The following PRAG1 variants were observed in gnomAD, a reference collection of about 807,000 sequenced individuals.
PRAG1 encodes the protein PEAK1 related, kinase-activating pseudokinase 1.
A neutral mutation model predicts 95.6 loss-of-function variants in PRAG1; 110 were observed. That is an observed-to-expected ratio of 1.15 (90% CI 0.99 to 1.35). The LOEUF (loss-of-function observed/expected upper bound fraction) is 1.35, where lower values mean the gene tolerates loss of function less well. Among genes scored for constraint, PRAG1 ranks in the 40% most tolerant of loss-of-function variants. PRAG1 has a pLI of 0.00. For synonymous variants in PRAG1, 1,052 were observed against 819.4 expected (o/e 1.28, Z -4.85); for missense variants, 2,554 against 1,864.7 (o/e 1.37, Z -6.81).
chr8:8,351,206 A>C (rs1229339337), intron 3 of PRAG1, among the ~76,000 whole-genome samples: 2 of 152,190 alleles, frequency 1.3e-5, no homozygotes, highest in Non-Finnish European at 2.9e-5. Flanking sequence ...ATGGGGAGTC[A>C]GCACTTCACA....
rs187974291 is a variant in PRAG1 at position 8,367,309 on chromosome 8, T to C, written c.2162+8938A>G. On this transcript the variant is annotated intron_variant, in intron 3 of 5. Coordinates refer to ENST00000615670, the MANE Select transcript of PRAG1 (RefSeq NM_001080826.3). ...CCCATCTCTACTAATAATACAAAAATCAGCCAGGCATGGTGGCAGGCGCCT... is the reference window on the plus strand; with the variant it reads ...CCCATCTCTACTAATAATACAAAAACCAGCCAGGCATGGTGGCAGGCGCCT... Among the ~76,000 whole-genome samples the C allele has an allele frequency of 1.1e-3, 167 of 151,440 alleles. 1 individual carries two copies. The Middle Eastern group carries it at 0.024, about 22-fold the overall frequency.
chr8:8,320,416 T>C (rs920697060), intron 5 of PRAG1, among the ~76,000 whole-genome samples: 1 of 152,142 alleles, frequency 6.6e-6, no homozygotes, highest in Admixed American at 6.5e-5. Context: ...TTTCTTCTTG[T>C]ACAAATGGCA....
intron 2 of PRAG1, among the ~76,000 whole-genome samples, chr8:8,380,610 C>T (rs1441593993): frequency 1.3e-5 from 2 of 151,984 alleles, no homozygotes; most frequent in Non-Finnish European, 2.9e-5. Flanking sequence ...AATCTCAGCA[C>T]TTTGGAAGGC....
intron 3 of PRAG1, among the ~76,000 whole-genome samples, chr8:8,345,986 G>A (rs1192267064): frequency 6.6e-6 from 1 of 152,158 alleles, no homozygotes; most frequent in Non-Finnish European, 1.5e-5. Context: ...TTACAATCAA[G>A]TTGTTTGGGT....
At chr8:8,385,233 ACTGGCCAGGG>A (rs1800809677) in intron 1 of PRAG1, among the ~76,000 whole-genome samples, 1 of 152,190 alleles carries the variant, frequency 6.6e-6, no homozygotes, top group African/African-American at 2.4e-5. Flanking sequence ...AGCACACTCC[ACTGGCCAGGG>A]CTGACCAGGC....
chr8:8,381,430 G>C lies in PRAG1; in HGVS notation c.318C>G (p.Ala106=), dbSNP rs370861925. 7.5e-6 allele frequency: 12 copies of C among 1,604,526 alleles called. No individual in the cohort carries two copies. The South Asian group carries it at 1.1e-4, about 15-fold the overall frequency. ...SDVWTEANLS[A]EVSQVIWRRA... ...TAGTCAGCCTCACCTGCGAGACTTC[G>C]GCACTCAGGTTGGCCTCTGTCCACA... The change falls in exon 2 of 6, where the codon GCC becomes GCG. Residue 106 remains alanine (A), a synonymous_variant. Coordinates refer to ENST00000615670, the MANE Select transcript of PRAG1 (RefSeq NM_001080826.3).
intron 3 of PRAG1, among the ~76,000 whole-genome samples, chr8:8,373,176 C>T (rs1403968690): frequency 1.3e-5 from 2 of 152,138 alleles, no homozygotes; most frequent in Non-Finnish European, 1.5e-5. Context: ...TGCATTCTCA[C>T]TAACACTCTG....
chr8:8,345,092 T>TGTGTGTGTGTGTG (rs1491425198), intron 3 of PRAG1, among the ~76,000 whole-genome samples: 62 of 124,990 alleles, frequency 5.0e-4, no homozygotes, highest in African/African-American at 9.0e-4. Flanking sequence ...TGTGTGTGTG[T>TGTGTGTGTGTGTG]TAGGGAGGAA....
chr8:8,362,912 C>A (rs1359118742), intron 3 of PRAG1, among the ~76,000 whole-genome samples: 1 of 152,062 alleles, frequency 6.6e-6, no homozygotes, highest in Non-Finnish European at 1.5e-5. Context: ...GAGGAAGTCG[C>A]TTATGTAAAG....
intron 4 of PRAG1, among the ~76,000 whole-genome samples, chr8:8,330,036 G>A (rs957568125): frequency 1.3e-5 from 2 of 152,190 alleles, no homozygotes; most frequent in African/African-American, 4.8e-5. Flanking sequence ...TGGGGTCCTT[G>A]CACCAATATC....
chr8:8,322,737 C>G (rs941959844), intron 5 of PRAG1, among the ~76,000 whole-genome samples: 1 of 152,222 alleles, frequency 6.6e-6, no homozygotes, highest in Non-Finnish European at 1.5e-5. Flanking sequence ...AACCCCTTCT[C>G]ATAATCCAGA....
At position 8,328,339 on chromosome 8, in the gene PRAG1, G is replaced by C; in HGVS notation, c.2443C>G (p.Leu815Val). Residue 815 changes from leucine to valine, a missense_variant, in exon 5 of 6, where the codon CTC (leucine) becomes GTC (valine). Leu to Val is a conservative substitution (Grantham distance 32). Transcript: ENST00000615670. ...CGGCTCACTATCTTTTTCTGGGGGA[G>C]TGGAGGGGGCTGCTGGGGGCCACTG... is the stretch of plus-strand genomic sequence containing the variant. ...SPSGPQQPPP[L>V]PQKKIVSRAA... is the part of the protein sequence containing the mutation. 1 of 1,613,614 alleles carries C rather than the reference G, an allele frequency of 6.2e-7. No individual in the cohort carries two copies. The highest frequency in any genetic ancestry group is 8.5e-7 in the Non-Finnish European group (1 of 1,179,862).
chr8:8,351,809 A>G (rs565151145), intron 3 of PRAG1, among the ~76,000 whole-genome samples: 3 of 152,222 alleles, frequency 2.0e-5, no homozygotes, highest in Admixed American at 2.0e-4. Context: ...TCCCATGAGT[A>G]CCCTTAGCCT....
rs756519764 is a variant in PRAG1, at chr8:8,328,207, C to T, written c.2575G>A (p.Glu859Lys). The stretch of plus-strand genomic sequence containing the variant: ...CTCAACGAATAGCTAAAGTGAGATT[C>T]GTCGTGGACGTTGGTTTCCGAGTGG... ...LSHSETNVHD[E>K]SHFSYSLSPG... Residue 859 changes from glutamate to lysine, a missense_variant, in exon 5 of 6, where the codon GAA becomes AAA. Physicochemically the swap from Glu to Lys is moderately conservative, Grantham distance 56. Coordinates refer to ENST00000615670, the MANE Select transcript of PRAG1 (RefSeq NM_001080826.3). 1.9e-6 allele frequency: 3 copies of T among 1,614,136 alleles called. No individual in the cohort carries two copies. The highest frequency in any genetic ancestry group is 2.2e-5 in the East Asian group (1 of 44,874).
intron 4 of PRAG1, among the ~76,000 whole-genome samples, chr8:8,337,490 G>A (rs535120780): frequency 2.0e-5 from 3 of 151,860 alleles, no homozygotes; most frequent in African/African-American, 7.2e-5. Context: ...GAGAGAGAAA[G>A]AGAGAGAGAG....
chr8:8,319,163 T>A lies in PRAG1; in HGVS notation c.3212A>T (p.Asp1071Val), dbSNP rs932887513. The stretch of plus-strand genomic sequence containing the variant: ...GTGTGTGGGCAGGGCAGGCACAGGG[T>A]CCTTGGGCGCGTCGGGGGAGCTGAG... Reference protein sequence around the residue: ...SMLSSPDAPKDPVPALPTHPP... With the variant: ...SMLSSPDAPKVPVPALPTHPP... Residue 1071 changes from aspartate (D) to valine (V), a missense_variant, in exon 6 of 6, where the codon GAC (aspartate) becomes GTC (valine). Coordinates refer to ENST00000615670, the MANE Select transcript of PRAG1 (RefSeq NM_001080826.3). The A allele has an allele frequency of 6.2e-7, 1 of 1,603,808 alleles. No homozygotes were observed. Among genetic ancestry groups the A allele is most frequent in the African/African-American group, 1.3e-5 (1 of 74,640 alleles).
At chr8:8,362,989 G>A (rs1432166056) in intron 3 of PRAG1, among the ~76,000 whole-genome samples, 1 of 151,802 alleles carries the variant, frequency 6.6e-6, no homozygotes, top group African/African-American at 2.4e-5. Flanking sequence ...ACATGCCTGG[G>A]CATGCTGAGA....
intron 4 of PRAG1, among the ~76,000 whole-genome samples, chr8:8,338,009 G>A (rs1037911343): frequency 2.0e-5 from 3 of 152,034 alleles, no homozygotes; most frequent in Admixed American, 2.0e-4. Flanking sequence ...CTCTAAACCT[G>A]GAAAGCCCTC....
intron 2 of PRAG1, among the ~76,000 whole-genome samples, chr8:8,378,772 G>A (rs1161296832): frequency 8.5e-5 from 13 of 152,096 alleles, no homozygotes; most frequent in African/African-American, 2.4e-4. Context: ...GAGGTGGAAG[G>A]ATGTCTTGAG....
Sources: gnomAD v4.1 joint callset for allele counts (sites outside exome capture counted in the v4.1 genomes callset) on GRCh38, gnomAD v4.1.1 for gene constraint, MANE v1.5 for transcripts, NCBI Gene and HGNC (gene_info 2026-07-23, HGNC 2026-07-21) for gene names.